GABRB1: variants seen among roughly 807,000 people sequenced by gnomAD.
The protein encoded by GABRB1 is gamma-aminobutyric acid type A receptor subunit beta1, also known as gamma-aminobutyric acid receptor subunit beta-1.
Under a neutral mutation model 51.6 loss-of-function variants are expected in GABRB1, and 17 were observed. The observed-to-expected ratio is 0.33, with a 90% confidence interval of 0.23 to 0.49. The LOEUF is 0.49. Ranked by LOEUF, GABRB1 falls within the 20% of genes least tolerant of loss-of-function variation. The probability of loss-of-function intolerance (pLI) is 0.99; values close to 1 mark genes in which losing one functional copy is unlikely to be tolerated. For synonymous variants in GABRB1, 247 were observed against 218.9 expected (o/e 1.13, Z -1.14); for missense variants, 410 against 600.6 (o/e 0.68, Z 3.32).
intron 4 of GABRB1, among the ~76,000 whole-genome samples, chr4:47,274,312 C>A (rs1019708670): frequency 3.3e-5 from 5 of 152,100 alleles, no homozygotes; most frequent in African/African-American, 1.2e-4. Context: ...TTTAAAAAGA[C>A]AATGAATGTT....
chr4:47,116,719 T>C (rs938594574), intron 3 of GABRB1, among the ~76,000 whole-genome samples: 1 of 152,144 alleles, frequency 6.6e-6, no homozygotes, highest in Non-Finnish European at 1.5e-5. Flanking sequence ...TTTGGGCAAG[T>C]GTATTAGTCC....
chr4:47,161,201 T>G, intron 3 of GABRB1, 48 bp from the exon 4 acceptor site: 1 of 1,216,430 alleles, frequency 8.2e-7, no homozygotes. Flanking sequence ...CCTTAGATGA[T>G]AATGATAGTA....
chr4:47,008,853 C>T (rs28707594), intron 1 of GABRB1, among the ~76,000 whole-genome samples: 78,262 of 80,026 alleles, frequency 0.98, 38,288 homozygotes, highest in Middle Eastern at 1. Context: ...CAGATACTAC[C>T]TTTTTTTTTT....
At chr4:47,031,867 C>T (rs778057446) in intron 1 of GABRB1, 47 bp from the exon 2 acceptor site, 1 of 1,563,156 alleles carries the variant, frequency 6.4e-7, no homozygotes, top group Non-Finnish European at 8.8e-7. Flanking sequence ...TATATGTGCT[C>T]ACAGTTTGTG....
intron 3 of GABRB1, among the ~76,000 whole-genome samples, chr4:47,088,474 A>G (rs941492967): frequency 1.3e-5 from 2 of 152,202 alleles, no homozygotes; most frequent in African/African-American, 2.4e-5. Context: ...GGAAGAGCCA[A>G]TGCAAAATAC....
At chr4:47,285,295 A>G (rs575401445) in intron 4 of GABRB1, among the ~76,000 whole-genome samples, 1 of 152,316 alleles carries the variant, frequency 6.6e-6, no homozygotes, top group African/African-American at 2.4e-5. Context: ...CCTCTAGATC[A>G]TGCTCTCATG....
At chr4:47,027,312 G>GA (rs1253423332), upstream of GABRB1, among the ~76,000 whole-genome samples, 1 of 151,160 alleles carries the variant, frequency 6.6e-6, no homozygotes, top group Non-Finnish European at 1.5e-5. Flanking sequence ...AATAAACCCA[G>GA]AAAAAATTGC....
intron 4 of GABRB1, among the ~76,000 whole-genome samples, chr4:47,255,765 T>C (rs927399913): frequency 3.9e-5 from 6 of 152,172 alleles, no homozygotes; most frequent in Admixed American, 3.3e-4. Flanking sequence ...AGCCTGAGGA[T>C]TTACCTTTCC....
rs116222504 is a variant in GABRB1 at position 47,088,019 on chromosome 4, T to C, written c.240+55535T>C. 5.2e-3 allele frequency among the ~76,000 whole-genome samples: 797 copies of C among 152,296 alleles called. 6 individuals carry two copies. Among genetic ancestry groups the C allele is most frequent in the African/African-American group, 0.019 (773 of 41,566 alleles). ...TACGTTTCATGATATTATGTGGAAA[T>C]GTTAAGTTGGTATTATTTTAATTCT... On this transcript the variant is annotated intron_variant, in intron 3 of 8. Transcript: ENST00000295454.
intron 4 of GABRB1, among the ~76,000 whole-genome samples, chr4:47,315,067 A>G (rs1198857221): frequency 6.6e-6 from 1 of 151,870 alleles, no homozygotes; most frequent in Non-Finnish European, 1.5e-5. Flanking sequence ...GCAAAACATC[A>G]TTAGAATGTT....
intron 4 of GABRB1, among the ~76,000 whole-genome samples, chr4:47,299,983 C>T (rs1337101979): frequency 3.3e-5 from 5 of 151,276 alleles, no homozygotes; most frequent in Non-Finnish European, 5.9e-5. Flanking sequence ...AGTAAACTAT[C>T]GCAAGGACAA....
rs1473957669 is a variant in GABRB1, at chr4:47,160,771, TA to T, written c.241-477del. Among the ~76,000 whole-genome samples the T allele has an allele frequency of 6.6e-5, 10 of 151,322 alleles. No homozygotes were observed. The South Asian group carries it at 1.7e-3, about 25-fold the overall frequency. On this transcript the variant is annotated intron_variant, in intron 3 of 8. Transcript: ENST00000295454. ...TACTTTTATTATTTATTTATTTATT[TA>T]TTTATTTATTTAACTAATTATATAT...
At chr4:47,100,180 T>G (rs1431520953) in intron 3 of GABRB1, among the ~76,000 whole-genome samples, 2 of 146,822 alleles carry the variant, frequency 1.4e-5, no homozygotes, top group Non-Finnish European at 3.0e-5. Flanking sequence ...ACTAGAAAAA[T>G]ATTTCTAGAA....
chr4:47,178,761 G>T (rs759351527), intron 4 of GABRB1, among the ~76,000 whole-genome samples: 1 of 152,076 alleles, frequency 6.6e-6, no homozygotes, highest in Admixed American at 6.6e-5. Context: ...TGCCAAATGA[G>T]ATGCCAAGAA....
chr4:47,150,327 CACACACACACACACACGCACAT>C (rs1350343559), intron 3 of GABRB1, among the ~76,000 whole-genome samples: 127 of 139,384 alleles, frequency 9.1e-4, no homozygotes, highest in African/African-American at 3.1e-3. Flanking sequence ...CACACACACA[CACACACACACACACACGCACAT>C]ACACACACAC....
chr4:47,143,120 G>A (rs1193812251), intron 3 of GABRB1, among the ~76,000 whole-genome samples: 1 of 151,870 alleles, frequency 6.6e-6, no homozygotes, highest in Non-Finnish European at 1.5e-5. Context: ...ACTTTTAGCA[G>A]CAGTATTCTG....
chr4:47,246,723 C>T (rs1421000598), intron 4 of GABRB1, among the ~76,000 whole-genome samples: 2 of 151,662 alleles, frequency 1.3e-5, no homozygotes, highest in African/African-American at 4.8e-5. Flanking sequence ...TGATCATTCT[C>T]AAAGGAGTAA....
intron 1 of GABRB1, among the ~76,000 whole-genome samples, chr4:46,997,301 TG>T: frequency 6.6e-6 from 1 of 151,950 alleles, no homozygotes; most frequent in Non-Finnish European, 1.5e-5. Context: ...GTTACCTTTT[TG>T]TGTGTGAGGA....
At chr4:47,071,004 T>TCCTACAATTTTTCTTATC (rs1727313371) in intron 3 of GABRB1, among the ~76,000 whole-genome samples, 1 of 152,184 alleles carries the variant, frequency 6.6e-6, no homozygotes, top group Non-Finnish European at 1.5e-5. Context: ...GCCGCTACTG[T>TCCTACAATTTTTCTTATC]GACCTAGACT....
Sources: gnomAD v4.1 joint callset for allele counts (sites outside exome capture counted in the v4.1 genomes callset) on GRCh38, gnomAD v4.1.1 for gene constraint, MANE v1.5 for transcripts, NCBI Gene and HGNC (gene_info 2026-07-23, HGNC 2026-07-21) for gene names.